Variants in PUS3 observed in about 807,000 individuals in gnomAD.
PUS3 encodes pseudouridine synthase 3.
In PUS3, 36 loss-of-function variants were observed where a neutral mutation model predicts 43.3. The ratio of observed to expected loss-of-function variants is 0.83; its 90% CI spans 0.64 to 1.10. The LOEUF (loss-of-function observed/expected upper bound fraction) is 1.10. Among genes scored for constraint, PUS3 ranks in the 50% least tolerant of loss-of-function variants. The pLI is 0.00. For synonymous variants in PUS3, 183 were observed against 199.2 expected, an observed-to-expected ratio of 0.92 and a Z score of 0.69; for missense variants, 544 against 589.9, an observed-to-expected ratio of 0.92 and a Z score of 0.81.
At chr11:125,898,109 T>C (rs1944642964) in intron 1 of PUS3, among the ~76,000 whole-genome samples, 1 of 152,178 alleles carries the variant, frequency 6.6e-6, no homozygotes, top group Non-Finnish European at 1.5e-5. Flanking sequence ...AAAAAAAATG[T>C]ACATGTGAAT....
chr11:125,897,840 C>T (rs1338138461), intron 1 of PUS3, among the ~76,000 whole-genome samples: 1 of 152,130 alleles, frequency 6.6e-6, no homozygotes, highest in Non-Finnish European at 1.5e-5. Context: ...GCCCACCTCT[C>T]CCATGTCTAG....
chr11:125,896,081 T>C lies in PUS3; in HGVS notation c.204A>G (p.Arg68=). Residue 68 remains arginine, a synonymous_variant, in exon 2 of 4, where the codon AGA becomes AGG. Coordinates refer to ENST00000227474, the MANE Select transcript of PUS3 (RefSeq NM_031307.4). The part of the protein sequence containing the change: ...SAHGRRHVAL[R]IAYMGWGYQG... The stretch of plus-strand genomic sequence containing the variant: ...GGTATCCCCAGCCCATATAGGCTAT[T>C]CTTAGGGCTACGTGTCTTCGGCCAT... 1 of 1,614,238 alleles carries C rather than the reference T, an allele frequency of 6.2e-7. No homozygotes were observed. Among genetic ancestry groups the C allele is most frequent in the Non-Finnish European group, 8.5e-7 (1 of 1,180,046 alleles).
In PUS3 at chr11:125,894,246, A is replaced by G; in HGVS notation, c.985T>C (p.Phe329Leu). 6.2e-7 allele frequency: 1 copy of G among 1,612,872 alleles called. No individual in the cohort carries two copies. The highest frequency in any genetic ancestry group is 8.5e-7 in the Non-Finnish European group (1 of 1,178,934). ...EFPLVLYDCK[F>L]ENVKWIYDQE... Reference sequence around the variant, plus strand: ...TCATAGATCCACTTGACATTTTCAAACTTACAGTCATATAAGACTAGAGGA... The same window carrying G: ...TCATAGATCCACTTGACATTTTCAAGCTTACAGTCATATAAGACTAGAGGA... Residue 329 changes from phenylalanine to leucine, a missense_variant, in exon 4 of 4, where the codon TTT becomes CTT. Coordinates refer to ENST00000227474, the MANE Select transcript of PUS3 (RefSeq NM_031307.4).
chr11:125,901,140 T>C (rs972498947), intron 1 of PUS3, among the ~76,000 whole-genome samples: 4 of 152,220 alleles, frequency 2.6e-5, no homozygotes, highest in African/African-American at 9.6e-5. Flanking sequence ...TAAAATACTT[T>C]CTAACAAATG....
chr11:125,901,230 G>C (rs1023105967), intron 1 of PUS3, among the ~76,000 whole-genome samples: 1 of 152,158 alleles, frequency 6.6e-6, no homozygotes, highest in Non-Finnish European at 1.5e-5. Flanking sequence ...TTGCCTGCCA[G>C]CTGTTATTTC....
intron 3 of PUS3, among the ~76,000 whole-genome samples, 158 bp downstream of exon 3, chr11:125,895,066 T>TTTTTTTA (rs1944535930): frequency 6.6e-6 from 1 of 151,590 alleles, no homozygotes; most frequent in African/African-American, 2.4e-5. Context: ...TTTTTTTTTT[T>TTTTTTTA]AAGACAGTCT....
chr11:125,896,100 C>CG lies in PUS3; in HGVS notation c.184dup (p.Arg62ProfsTer20). The CG allele has an allele frequency of 6.2e-7, 1 of 1,614,182 alleles. No homozygotes were observed. Among genetic ancestry groups the CG allele is most frequent in the Non-Finnish European group, 8.5e-7 (1 of 1,180,034 alleles). On this transcript the variant is annotated frameshift_variant, in exon 2 of 4. Coordinates refer to ENST00000227474, the MANE Select transcript of PUS3 (RefSeq NM_031307.4). LOFTEE classifies it high-confidence loss of function. ...GGCTATTCTTAGGGCTACGTGTCTT[C>CG]GGCCATGAGCACTGAAATCAAATGC...
intron 1 of PUS3, among the ~76,000 whole-genome samples, chr11:125,898,836 G>C (rs185050514): frequency 6.6e-6 from 1 of 151,992 alleles, no homozygotes; most frequent in East Asian, 1.9e-4. Context: ...CAAACTGCTT[G>C]AGTTAGAATT....
intron 1 of PUS3, among the ~76,000 whole-genome samples, chr11:125,902,572 C>A (rs1944807076): frequency 6.9e-6 from 1 of 145,432 alleles, no homozygotes; most frequent in African/African-American, 2.6e-5. Flanking sequence ...GTGATCACGC[C>A]ACTTCACTCA....
intron 1 of PUS3, chr11:125,900,213 A>G (rs1360084805): frequency 6.2e-7 from 1 of 1,614,182 alleles, no homozygotes; most frequent in Non-Finnish European, 8.5e-7. Flanking sequence ...GTTCGTTGTG[A>G]CCTTGCAAAT....
chr11:125,898,714 C>G (rs1490258764), intron 1 of PUS3, among the ~76,000 whole-genome samples: 2 of 151,660 alleles, frequency 1.3e-5, no homozygotes, highest in Admixed American at 1.3e-4. Flanking sequence ...TATATGTATG[C>G]ACGTATATAC....
intron 1 of PUS3, among the ~76,000 whole-genome samples, chr11:125,901,533 C>T (rs1313409284): frequency 1.3e-5 from 2 of 152,210 alleles, no homozygotes; most frequent in African/African-American, 4.8e-5. Flanking sequence ...GTACAGTTTG[C>T]TTGTTCACAG....
intron 1 of PUS3, chr11:125,898,974 G>C (rs1944675068): frequency 6.0e-6 from 1 of 167,808 alleles, no homozygotes; most frequent in Admixed American, 5.7e-5. Context: ...TAAATGTAAA[G>C]CACATAGAAC....
chr11:125,895,402 C>T lies in PUS3; in HGVS notation c.766G>A (p.Gly256Arg), dbSNP rs760014025. 9.3e-6 allele frequency: 15 copies of T among 1,613,984 alleles called. No homozygotes were observed. The highest frequency in any genetic ancestry group is 1.7e-5 in the Admixed American group (1 of 60,000). Residue 256 changes from glycine to arginine, a missense_variant, in exon 3 of 4, where the codon GGG becomes AGG. Transcript: ENST00000227474. ...VQLVGQSPGEGRWQEPFQLCQ... is the reference protein window; with the variant it reads ...VQLVGQSPGERRWQEPFQLCQ... ...AACTGGAAAGGTTCTTGCCATCTCC[C>T]CTCACCTGGGCTCTGGCCCACTAGC...
intron 1 of PUS3, among the ~76,000 whole-genome samples, chr11:125,901,084 A>G (rs889533384): frequency 1.3e-5 from 2 of 152,146 alleles, no homozygotes; most frequent in African/African-American, 4.8e-5. Context: ...GGTTAACAAC[A>G]TGGATAGCCT....
At position 125,894,095 on chromosome 11, in the gene PUS3, C is replaced by T. The variant is rs774504778; in HGVS notation, c.1136G>A (p.Gly379Glu). ...LDTVPVPCGI[G>E]PKMDGMTEWG... ...TTCTGTCATTCCATCCATCTTTGGT[C>T]CTATTCCACAGGGTACTGGAACAGT... is the stretch of plus-strand genomic sequence containing the variant. Residue 379 changes from glycine to glutamate, a missense_variant, in exon 4 of 4, where the codon GGA becomes GAA. Gly to Glu is a moderately conservative substitution (Grantham distance 98). Coordinates refer to ENST00000227474, the MANE Select transcript of PUS3 (RefSeq NM_031307.4). 3 of 1,614,154 alleles carry T rather than the reference C, an allele frequency of 1.9e-6. No individual in the cohort carries two copies. In the East Asian group the frequency reaches 6.7e-5, roughly 36 times the overall value.
intron 1 of PUS3, chr11:125,900,455 A>G (rs1280506381): frequency 3.3e-6 from 2 of 600,682 alleles, no homozygotes; most frequent in Admixed American, 3.0e-5. Context: ...TTGCCACTCA[A>G]ATCCAGCAAT....
At chr11:125,895,816 T>A (rs1944566349) in intron 2 of PUS3, 27 bp from the exon 3 acceptor site, 1 of 1,581,482 alleles carries the variant, frequency 6.3e-7, no homozygotes, top group African/African-American at 1.3e-5. Context: ...AGATACTGGG[T>A]TTTAGAGACA....
At chr11:125,900,646 A>T (rs1565458565) in intron 1 of PUS3, 2 of 267,868 alleles carry the variant, frequency 7.5e-6, no homozygotes, top group Non-Finnish European at 1.5e-5. Flanking sequence ...TTGGAAATTC[A>T]TGAACTTGAA....
Sources: gnomAD v4.1 joint callset for allele counts (sites outside exome capture counted in the v4.1 genomes callset) on GRCh38, gnomAD v4.1.1 for gene constraint, MANE v1.5 for transcripts, NCBI Gene and HGNC (gene_info 2026-07-23, HGNC 2026-07-21) for gene names.